UBXN2A: variants seen among roughly 807,000 people sequenced by gnomAD.
UBXN2A encodes UBX domain protein 2A.
Under a neutral mutation model 28.4 loss-of-function variants are expected in UBXN2A, and 28 were observed. The observed-to-expected ratio is 0.99, with a 90% CI of 0.73 to 1.35. The LOEUF is 1.35. Among genes scored for constraint, UBXN2A ranks in the 40% most tolerant of loss-of-function variants. UBXN2A has a pLI of 0.00. For synonymous variants in UBXN2A, 97 were observed against 103.6 expected (o/e 0.94, Z 0.39); for missense variants, 253 against 297.9 (o/e 0.85, Z 1.11).
intron 1 of UBXN2A, among the ~76,000 whole-genome samples, chr2:23,946,895 T>C (rs557572942): frequency 6.6e-6 from 1 of 151,108 alleles, no homozygotes; most frequent in African/African-American, 2.4e-5. Flanking sequence ...TAATTTTTTT[T>C]TTTTTTTTTT....
Position 23,982,944 on chromosome 2 carries a change from C to T in UBXN2A, c.336C>T (p.Asp112=), listed in dbSNP as rs114439812. The T allele has an allele frequency of 3.1e-5, 50 of 1,609,942 alleles. No individual in the cohort carries two copies. In the African/African-American group the frequency reaches 3.2e-4, roughly 10 times the overall value. The change falls in exon 5 of 7, where the codon GAC becomes GAT. Residue 112 remains aspartate, a synonymous_variant. Coordinates refer to ENST00000309033, the MANE Select transcript of UBXN2A (RefSeq NM_181713.4). ...LQGIFDKEEV[D]VKVEDKKNEI... ...GAATTTTTGATAAAGAAGAGGTGGA[C>T]GTTAAAGTTGAAGACAAGAAAAATG...
intron 1 of UBXN2A, among the ~76,000 whole-genome samples, chr2:23,933,584 A>G (rs890247921): frequency 1.3e-5 from 2 of 152,012 alleles, no homozygotes; most frequent in East Asian, 1.9e-4. Context: ...TTAGTTGGTC[A>G]TGATGTAAGT....
At chr2:23,940,427 G>C (rs1440062567), upstream of UBXN2A, 2 of 116,460 alleles carry the variant, frequency 1.7e-5, no homozygotes, top group African/African-American at 2.8e-5. Context: ...GTCCGCGCGC[G>C]CTCCTCGGGT....
chr2:23,943,627 A>T (rs1705877056), intron 1 of UBXN2A, among the ~76,000 whole-genome samples: 1 of 152,058 alleles, frequency 6.6e-6, no homozygotes, highest in African/African-American at 2.4e-5. Context: ...AGTTGGGATT[A>T]CAGGTATGCA....
At chr2:23,981,526 A>G (rs1012260664) in intron 4 of UBXN2A, among the ~76,000 whole-genome samples, 1 of 148,662 alleles carries the variant, frequency 6.7e-6, no homozygotes, top group Non-Finnish European at 1.5e-5. Context: ...TGCAGAAATC[A>G]TAAATATATA....
chr2:23,983,414 G>A (rs1445593352), intron 5 of UBXN2A, among the ~76,000 whole-genome samples: 1 of 152,070 alleles, frequency 6.6e-6, no homozygotes, highest in Non-Finnish European at 1.5e-5. Flanking sequence ...GGCTGAGGCA[G>A]GAGAATCGCT....
At chr2:23,973,216 T>C (rs896432611) in intron 3 of UBXN2A, among the ~76,000 whole-genome samples, 1 of 152,044 alleles carries the variant, frequency 6.6e-6, no homozygotes, top group African/African-American at 2.4e-5. Flanking sequence ...AGACAGGGTT[T>C]CATCATGTTG....
At chr2:23,958,415 T>C in intron 2 of UBXN2A, 60 bp downstream of exon 2, 1 of 1,477,664 alleles carries the variant, frequency 6.8e-7, no homozygotes, top group Non-Finnish European at 9.2e-7. Context: ...TCCTGTATTT[T>C]TATTACATTT....
intron 2 of UBXN2A, 140 bp downstream of exon 2, chr2:23,958,495 T>A: frequency 1.4e-6 from 1 of 717,700 alleles, no homozygotes; most frequent in Non-Finnish European, 2.0e-6. Flanking sequence ...TATGTTGAAG[T>A]AATTTTTTTA....
intron 1 of UBXN2A, among the ~76,000 whole-genome samples, chr2:23,935,198 C>G (rs1435191854): frequency 3.3e-5 from 5 of 152,042 alleles, no homozygotes; most frequent in African/African-American, 4.8e-5. Flanking sequence ...GGATATGACA[C>G]CAAAAGTACA....
intron 1 of UBXN2A, among the ~76,000 whole-genome samples, chr2:23,956,892 G>C (rs1706654946): frequency 6.6e-6 from 1 of 152,060 alleles, no homozygotes; most frequent in Non-Finnish European, 1.5e-5. Flanking sequence ...CTGTCACTTG[G>C]TGTCCCTGGA....
chr2:23,960,204 C>T (rs920338588), intron 2 of UBXN2A, among the ~76,000 whole-genome samples: 2 of 151,860 alleles, frequency 1.3e-5, no homozygotes, highest in African/African-American at 2.4e-5. Flanking sequence ...TGCAGTGAGT[C>T]GAGATCGCGC....
At chr2:23,940,957 A>G (rs1423393048) in intron 1 of UBXN2A, among the ~76,000 whole-genome samples, 1 of 152,084 alleles carries the variant, frequency 6.6e-6, no homozygotes, top group East Asian at 1.9e-4. Flanking sequence ...CGAAACTTAC[A>G]GTTATGCGCA....
chr2:23,939,823 A>G (rs2150791371), upstream of UBXN2A, among the ~76,000 whole-genome samples: 1 of 152,218 alleles, frequency 6.6e-6, no homozygotes, highest in Non-Finnish European at 1.5e-5. Flanking sequence ...TTAGGAACAC[A>G]AAGGGGCCGG....
intron 6 of UBXN2A, among the ~76,000 whole-genome samples, chr2:23,998,807 GCAACCTTCGTCTCCCGCGAT>G (rs1365266139): frequency 2.0e-5 from 3 of 151,994 alleles, no homozygotes; most frequent in East Asian, 3.9e-4. Flanking sequence ...TCAGCTCACT[GCAACCTTCGTCTCCCGCGAT>G]CAACCTTCGT....
intron 1 of UBXN2A, among the ~76,000 whole-genome samples, chr2:23,934,529 G>A (rs904959906): frequency 2.5e-4 from 38 of 152,326 alleles, no homozygotes; most frequent in African/African-American, 8.9e-4. Context: ...TAAAGAGGAT[G>A]CAGGATGAGG....
At chr2:23,941,465 C>T (rs961322935) in intron 1 of UBXN2A, among the ~76,000 whole-genome samples, 2 of 152,104 alleles carry the variant, frequency 1.3e-5, no homozygotes, top group East Asian at 1.9e-4. Context: ...TAGGCACTGG[C>T]GGAGTCCAAA....
intron 1 of UBXN2A, among the ~76,000 whole-genome samples, chr2:23,956,109 C>A (rs1275781421): frequency 6.6e-6 from 1 of 151,884 alleles, no homozygotes; most frequent in African/African-American, 2.4e-5. Flanking sequence ...AGTGATCCAA[C>A]TGCCTCGGCC....
intron 4 of UBXN2A, among the ~76,000 whole-genome samples, chr2:23,979,994 A>G (rs752962183): frequency 7.2e-5 from 11 of 152,022 alleles, no homozygotes; most frequent in Non-Finnish European, 1.5e-4. Flanking sequence ...CCTTTGAAGT[A>G]TATAGTTAAG....
Sources: gnomAD v4.1 joint callset for allele counts (sites outside exome capture counted in the v4.1 genomes callset) on GRCh38, gnomAD v4.1.1 for gene constraint, MANE v1.5 for transcripts, NCBI Gene and HGNC (gene_info 2026-07-23, HGNC 2026-07-21) for gene names.